FRMD8: variants seen among roughly 807,000 people sequenced by gnomAD.
The protein encoded by FRMD8 is FERM domain-containing protein 8.
A neutral mutation model predicts 54.2 loss-of-function variants in FRMD8; 37 were observed. That is an observed-to-expected ratio of 0.68 (90% CI 0.53 to 0.90). The LOEUF is 0.90. FRMD8 is among the 40% of genes least tolerant of loss of function. The pLI, the probability that FRMD8 is intolerant of heterozygous loss-of-function variation, is 0.00. For missense variants in FRMD8, 585 were observed against 653.7 expected (o/e 0.89, Z 1.15); for synonymous variants, 246 against 286.9 (o/e 0.86, Z 1.44).
the FRMD8 span, among the ~76,000 whole-genome samples, chr11:65,371,144 A>G: frequency 6.6e-6 from 1 of 152,184 alleles, no homozygotes; most frequent in Non-Finnish European, 1.5e-5. Flanking sequence ...GTTAAGTCAC[A>G]TTCACAGCAT....
intron 6 of FRMD8, among the ~76,000 whole-genome samples, chr11:65,396,328 T>C (rs1855953346): frequency 6.6e-6 from 1 of 152,138 alleles, no homozygotes; most frequent in African/African-American, 2.4e-5. Flanking sequence ...GATGCAGGCA[T>C]CTGGAGCCGC....
the FRMD8 span, chr11:65,379,435 C>A: frequency 6.2e-7 from 1 of 1,613,616 alleles, no homozygotes; most frequent in Middle Eastern, 1.7e-4. Context: ...GGCGGCTGGG[C>A]CCGCCGCTCC....
chr11:65,394,126 C>T (rs1299453771), intron 5 of FRMD8, 27 bp downstream of exon 5: 2 of 1,612,056 alleles, frequency 1.2e-6, no homozygotes, highest in South Asian at 2.2e-5. Context: ...GGTGGCCCCA[C>T]CAGGCCTGGC....
chr11:65,396,765 T>G lies in FRMD8; in HGVS notation c.582-34T>G, dbSNP rs1294094961. 2.8e-6 allele frequency: 4 copies of G among 1,404,286 alleles called. No homozygotes were observed. The African/African-American group carries it at 5.9e-5, about 21-fold the overall frequency. 87.0% of individuals were successfully genotyped at this position (1,404,286 alleles called of 1,614,324 possible). On this transcript the variant is annotated intron_variant, in intron 6 of 10. Coordinates refer to ENST00000317568, the MANE Select transcript of FRMD8 (RefSeq NM_031904.5). ...CCCCCGTGAGCCTGGCACCTCTGGT[T>G]GGGCCGCTAGCACCTGTCTTCCTTC...
chr11:65,404,921 C>T lies in FRMD8; in HGVS notation c.1129C>T (p.Pro377Ser). ...CATCGAACTGAGCCAGGCGGCGGAG[C>T]CCGCAGGCCCCCAGGACAGTGCGAC... ...YCIELSQAAE[P>S]AGPQDSATGS... The change falls in exon 10 of 11, where the codon CCC (proline) becomes TCC (serine). Residue 377 changes from proline to serine, a missense_variant. Pro to Ser is a moderately conservative substitution (Grantham distance 74, BLOSUM62 -1). Transcript: ENST00000317568. The surrounding 1 kb of genome is among the most constrained non-coding windows in gnomAD (Gnocchi z 4.7). The T allele has an allele frequency of 6.2e-7, 1 of 1,613,268 alleles. No homozygotes were observed. Among genetic ancestry groups the T allele is most frequent in the Non-Finnish European group, 8.5e-7 (1 of 1,180,014 alleles).
chr11:65,384,415 G>A (rs1385840932), upstream of FRMD8, among the ~76,000 whole-genome samples: 5 of 151,930 alleles, frequency 3.3e-5, no homozygotes, highest in East Asian at 9.6e-4. Context: ...GACTAGACCC[G>A]GGTTCTAGCC....
At chr11:65,379,905 T>C in the FRMD8 span, 6 of 1,614,198 alleles carry the variant, frequency 3.7e-6, no homozygotes, top group South Asian at 1.1e-5. Context: ...CAATCAACGA[T>C]GCCCCGGTAG....
chr11:65,393,080 C>T (rs1855875126), intron 3 of FRMD8, among the ~76,000 whole-genome samples: 1 of 152,188 alleles, frequency 6.6e-6, no homozygotes, highest in Non-Finnish European at 1.5e-5. Flanking sequence ...AGGTGCAGAG[C>T]TTGCAGGATG....
chr11:65,380,958 G>A, the FRMD8 span: 1 of 210,228 alleles, frequency 4.8e-6, no homozygotes, highest in Non-Finnish European at 1.0e-5. Flanking sequence ...GGCCTGGAGA[G>A]CAGGGCTCAA....
At chr11:65,370,301 C>T in the FRMD8 span, among the ~76,000 whole-genome samples, 11 of 151,558 alleles carry the variant, frequency 7.3e-5, no homozygotes, top group East Asian at 5.8e-4. Flanking sequence ...AGAAGGTGCA[C>T]GCCTGCAAGC....
chr11:65,404,874 T>A lies in FRMD8; in HGVS notation c.1082T>A (p.Met361Lys). The change falls in exon 10 of 11, where the codon ATG becomes AAG. Residue 361 changes from methionine (M) to lysine (K), a missense_variant. Met to Lys is a moderately conservative substitution (Grantham distance 95). Transcript: ENST00000317568. This position sits in a 1 kb window ranked among gnomAD's most constrained non-coding sequence, Gnocchi z 4.7. ...CCCCCTCCTCCCCAGGCCGAACTGATGAGCAGTCTCATTGAGTACTGCATC... is the reference window on the plus strand; with the variant it reads ...CCCCCTCCTCCCCAGGCCGAACTGAAGAGCAGTCTCATTGAGTACTGCATC... ...LKIYSKQAEL[M>K]SSLIEYCIEL... is the part of the protein sequence containing the mutation. 6.2e-7 allele frequency: 1 copy of A among 1,612,166 alleles called. No homozygotes were observed. The highest frequency in any genetic ancestry group is 8.5e-7 in the Non-Finnish European group (1 of 1,179,232).
At chr11:65,377,579 T>G in the FRMD8 span, 1 of 194,282 alleles carries the variant, frequency 5.1e-6, no homozygotes, top group Non-Finnish European at 9.4e-6. Flanking sequence ...CAGCCCCTCC[T>G]GCCTCCAGAG....
the FRMD8 span, chr11:65,376,615 G>A: frequency 9.9e-6 from 16 of 1,614,002 alleles, no homozygotes; most frequent in Middle Eastern, 3.3e-4. Context: ...GTCTAAGGGC[G>A]TGGCTGCCAC....
chr11:65,396,731 C>G, intron 6 of FRMD8, 68 bp from the exon 7 acceptor site: 5 of 1,094,764 alleles, frequency 4.6e-6, no homozygotes, highest in Non-Finnish European at 6.2e-6. Flanking sequence ...GCCTTGCTTC[C>G]CTCGCCCTCC....
chr11:65,402,526 G>C (rs1315203687), intron 9 of FRMD8, among the ~76,000 whole-genome samples: 1 of 152,072 alleles, frequency 6.6e-6, no homozygotes, highest in Non-Finnish European at 1.5e-5. Context: ...AATAAGTCTT[G>C]AAATCAGGTA....
At chr11:65,394,145 C>G (rs377747609) in intron 5 of FRMD8, 46 bp downstream of exon 5, 27 of 1,607,682 alleles carry the variant, frequency 1.7e-5, no homozygotes, top group Non-Finnish European at 2.1e-5. Flanking sequence ...GCCCCTTGTG[C>G]CCAGCCTCCC....
rs1042580432 is a variant in FRMD8, at chr11:65,400,980, C to T, written c.1071+113C>T. The stretch of plus-strand genomic sequence containing the variant: ...CAAGGAGGTGAGAAGCTGCCTTGGG[C>T]CTGAGGATGAAAGCGGCCTGGGCAC... On this transcript the variant is annotated intron_variant, in intron 9 of 10. Coordinates refer to ENST00000317568, the MANE Select transcript of FRMD8 (RefSeq NM_031904.5). This position sits in a 1 kb window ranked among gnomAD's most constrained non-coding sequence, Gnocchi z 4.3. 8 of 1,246,802 alleles carry T rather than the reference C, an allele frequency of 6.4e-6. No homozygotes were observed. The highest frequency in any genetic ancestry group is 2.8e-5 in the Admixed American group (1 of 35,804). 77.2% of individuals were successfully genotyped at this position (1,246,802 alleles called of 1,614,324 possible).
chr11:65,404,715 C>A lies in FRMD8; in HGVS notation c.1072-149C>A. 1 of 653,940 alleles carries A rather than the reference C, an allele frequency of 1.5e-6. No homozygotes were observed. The highest frequency in any genetic ancestry group is 2.7e-6 in the Non-Finnish European group (1 of 376,498). 40.5% of individuals were successfully genotyped at this position (653,940 alleles called of 1,614,324 possible). ...CACCTTCACAGTCACCCAAGTGGGA[C>A]ACCTCCCCTGCCTCCCTGCTCCCTC... On this transcript the variant is annotated intron_variant, in intron 9 of 10. Coordinates refer to ENST00000317568, the MANE Select transcript of FRMD8 (RefSeq NM_031904.5). The surrounding 1 kb of genome is among the most constrained non-coding windows in gnomAD (Gnocchi z 4.7).
chr11:65,391,423 G>A (rs551264104), intron 3 of FRMD8, among the ~76,000 whole-genome samples: 1 of 152,306 alleles, frequency 6.6e-6, no homozygotes, highest in South Asian at 2.1e-4. Flanking sequence ...ACAAGGACGT[G>A]CAAAGCCTCT....
Sources: gnomAD v4.1 joint callset for allele counts (sites outside exome capture counted in the v4.1 genomes callset) on GRCh38, gnomAD v4.1.1 for gene constraint, Gnocchi (gnomAD v3.1) non-coding constraint, MANE v1.5 for transcripts, NCBI Gene and HGNC (gene_info 2026-07-23, HGNC 2026-07-21) for gene names.